The following RABL3 variants were observed in gnomAD, a reference collection of about 807,000 sequenced individuals.
RABL3 encodes RAB, member of RAS oncogene family like 3.
A neutral mutation model predicts 31.8 loss-of-function variants in RABL3; 31 were observed. The observed-to-expected ratio is 0.97, with a 90% confidence interval of 0.73 to 1.31. RABL3 has a LOEUF of 1.31. Ranked by LOEUF, RABL3 falls within the 40% of genes most tolerant of loss-of-function variation. RABL3 has a pLI of 0.00. For synonymous variants in RABL3, 97 were observed against 99.9 expected (o/e 0.97, Z 0.18); for missense variants, 263 against 279.6 (o/e 0.94, Z 0.42).
rs780387447 is a variant in RABL3 at position 120,742,488 on chromosome 3, A to C, written c.20T>G (p.Val7Gly). The change falls in exon 1 of 8, where the codon GTG becomes GGG. Residue 7 changes from valine (V) to glycine (G), a missense_variant. By Grantham distance (109) the Val-to-Gly change is moderately radical (BLOSUM62 -3). Coordinates refer to ENST00000273375, the MANE Select transcript of RABL3 (RefSeq NM_173825.5). Reference sequence around the variant, plus strand: ...TGAGTCTCCCAACACCAGTACCTTCACCCGATCCAGGGACGCCATCTTGCC... The same window carrying C: ...TGAGTCTCCCAACACCAGTACCTTCCCCCGATCCAGGGACGCCATCTTGCC... MASLDR[V>G]KVLVLGDSGV... The C allele has an allele frequency of 4.1e-5, 66 of 1,613,966 alleles. No homozygotes were observed. The highest frequency in any genetic ancestry group is 1.7e-5 in the Admixed American group (1 of 60,000).
chr3:120,740,946 A>C (rs1017480700), intron 1 of RABL3, among the ~76,000 whole-genome samples: 3 of 152,216 alleles, frequency 2.0e-5, no homozygotes, highest in Non-Finnish European at 4.4e-5. Context: ...TATCCCTGTT[A>C]TATGACGCAT....
intron 4 of RABL3, among the ~76,000 whole-genome samples, chr3:120,700,317 T>C (rs1708480006): frequency 6.6e-6 from 1 of 152,064 alleles, no homozygotes; most frequent in South Asian, 2.1e-4. Flanking sequence ...ACCACTATAT[T>C]TAATTATCAC....
chr3:120,710,501 AG>A (rs1255553199), intron 2 of RABL3: 13 of 152,112 alleles, frequency 8.5e-5, no homozygotes, highest in Admixed American at 7.2e-4. Flanking sequence ...ATTAGAAAGG[AG>A]CTTCTACAAC....
intron 4 of RABL3, among the ~76,000 whole-genome samples, chr3:120,702,633 C>T (rs1375036744): frequency 1.3e-5 from 2 of 151,688 alleles, no homozygotes; most frequent in African/African-American, 4.8e-5. Flanking sequence ...TCTCGGCTCA[C>T]TGCAAGCTCC....
In RABL3 at chr3:120,742,485, T is replaced by C. The variant is rs1709059317; in HGVS notation, c.23A>G (p.Lys8Arg). MASLDRVKVLVLGDSGVG... is the reference protein window; with the variant it reads MASLDRVRVLVLGDSGVG... Reference sequence around the variant, plus strand: ...ACCTGAGTCTCCCAACACCAGTACCTTCACCCGATCCAGGGACGCCATCTT... The same window carrying C: ...ACCTGAGTCTCCCAACACCAGTACCCTCACCCGATCCAGGGACGCCATCTT... Residue 8 changes from lysine to arginine, a missense_variant, in exon 1 of 8, where the codon AAG becomes AGG. Lys to Arg is a conservative substitution (Grantham distance 26). Transcript: ENST00000273375. 1 of 1,614,052 alleles carries C rather than the reference T, an allele frequency of 6.2e-7. No homozygotes were observed.
chr3:120,731,196 G>C (rs922840038), intron 1 of RABL3, among the ~76,000 whole-genome samples: 3 of 152,160 alleles, frequency 2.0e-5, no homozygotes, highest in Admixed American at 2.0e-4. Context: ...GCCTATTTTA[G>C]AGTTGTAGAA....
At chr3:120,742,672 T>A, upstream of RABL3, 1 of 687,396 alleles carries the variant, frequency 1.5e-6, no homozygotes, top group Non-Finnish European at 2.6e-6. Flanking sequence ...GGTAGCGGGG[T>A]GCTTCCCCAG....
intron 2 of RABL3, among the ~76,000 whole-genome samples, chr3:120,717,171 G>A (rs1007372623): frequency 2.6e-5 from 4 of 151,712 alleles, no homozygotes; most frequent in Non-Finnish European, 4.4e-5. Context: ...CAGGAGAATC[G>A]CTTGAACCTG....
At chr3:120,730,332 C>T (rs1708867967) in intron 2 of RABL3, among the ~76,000 whole-genome samples, 1 of 152,188 alleles carries the variant, frequency 6.6e-6, no homozygotes, top group Non-Finnish European at 1.5e-5. Flanking sequence ...TTTGCCTTTA[C>T]ATTATATTTC....
rs1166665038 is a variant in RABL3 at position 120,689,114 on chromosome 3, T to A, written c.*709A>T. ...CTGTATATAGCAGCAACCTTAAGAG[T>A]GAGGGAGCTGTCAATTTTTCACATC... is the stretch of plus-strand genomic sequence containing the variant. On this transcript the variant is annotated 3_prime_UTR_variant, in exon 8 of 8. Coordinates refer to ENST00000273375, the MANE Select transcript of RABL3 (RefSeq NM_173825.5). 6.6e-6 allele frequency: 1 copy of A among 151,990 alleles called. No individual in the cohort carries two copies. The highest frequency in any genetic ancestry group is 1.5e-5 in the Non-Finnish European group (1 of 68,004). 9.4% of individuals were successfully genotyped at this position (151,990 alleles called of 1,614,324 possible). A position where few individuals can be genotyped will look rare whatever the true frequency, so the allele number is the denominator to read the frequency against.
chr3:120,713,093 C>T (rs550375957), intron 2 of RABL3, among the ~76,000 whole-genome samples: 1 of 152,148 alleles, frequency 6.6e-6, no homozygotes, highest in Non-Finnish European at 1.5e-5. Flanking sequence ...ACTATAACTC[C>T]TCTGAGAATA....
chr3:120,691,310 C>T (rs540830129), intron 6 of RABL3, among the ~76,000 whole-genome samples: 10 of 152,284 alleles, frequency 6.6e-5, no homozygotes, highest in African/African-American at 2.4e-4. Context: ...GCAATGGTTA[C>T]AGAGGAAGTA....
chr3:120,736,012 T>C (rs1360078765), intron 1 of RABL3, among the ~76,000 whole-genome samples: 1 of 152,220 alleles, frequency 6.6e-6, no homozygotes, highest in Non-Finnish European at 1.5e-5. Flanking sequence ...GAGAAGAATG[T>C]ATATTCTGTT....
intron 2 of RABL3, among the ~76,000 whole-genome samples, chr3:120,721,023 C>T (rs1289158400): frequency 6.6e-6 from 1 of 152,168 alleles, no homozygotes; most frequent in African/African-American, 2.4e-5. Context: ...AGAGTGGGGG[C>T]CAATATTCAA....
chr3:120,736,737 A>G (rs1171040997), intron 1 of RABL3, among the ~76,000 whole-genome samples: 1 of 152,186 alleles, frequency 6.6e-6, no homozygotes, highest in Non-Finnish European at 1.5e-5. Context: ...GGTGGTGACA[A>G]AATCTCTCAG....
At chr3:120,735,929 T>G (rs1365162014) in intron 1 of RABL3, among the ~76,000 whole-genome samples, 2 of 152,212 alleles carry the variant, frequency 1.3e-5, no homozygotes, top group Non-Finnish European at 2.9e-5. Flanking sequence ...ACAACTACTG[T>G]TCTTTTACAT....
At chr3:120,741,737 T>C (rs1709045843) in intron 1 of RABL3, among the ~76,000 whole-genome samples, 1 of 152,218 alleles carries the variant, frequency 6.6e-6, no homozygotes, top group South Asian at 2.1e-4. Flanking sequence ...AAATCCTAGC[T>C]GCTTCAGAAT....
chr3:120,694,082 T>G lies in RABL3; in HGVS notation c.606+71A>C, dbSNP rs772751850. 7 of 961,236 alleles carry G rather than the reference T, an allele frequency of 7.3e-6. No individual in the cohort carries two copies. The African/African-American group carries it at 1.2e-4, about 16-fold the overall frequency. 59.5% of individuals were successfully genotyped at this position (961,236 alleles called of 1,614,324 possible). ...GGACAAAAAAATAAAGGTCATAGGA[T>G]TCTACAAAAAAATTTTAAACTCTCA... On this transcript the variant is annotated intron_variant, in intron 6 of 7. Transcript: ENST00000273375.
At chr3:120,725,296 A>G (rs940207091) in intron 2 of RABL3, among the ~76,000 whole-genome samples, 5 of 152,222 alleles carry the variant, frequency 3.3e-5, no homozygotes, top group Non-Finnish European at 5.9e-5. Context: ...GTCAGGAAAC[A>G]ACAGGTGCTG....
Sources: gnomAD v4.1 joint callset for allele counts (sites outside exome capture counted in the v4.1 genomes callset) on GRCh38, gnomAD v4.1.1 for gene constraint, MANE v1.5 for transcripts, NCBI Gene and HGNC (gene_info 2026-07-23, HGNC 2026-07-21) for gene names.